NEDD4L: variants seen among roughly 807,000 people sequenced by gnomAD.
The protein encoded by NEDD4L is NEDD4 like E3 ubiquitin protein ligase.
A neutral mutation model predicts 148.9 loss-of-function variants in NEDD4L; 54 were observed. The ratio of observed to expected loss-of-function variants is 0.36; its 90% CI spans 0.29 to 0.45. The LOEUF (loss-of-function observed/expected upper bound fraction) is 0.45, where lower values mean the gene tolerates loss of function less well. NEDD4L is among the 20% of genes least tolerant of loss of function. The pLI, the probability that NEDD4L is intolerant of heterozygous loss-of-function variation, is 1.00. For synonymous variants in NEDD4L, 433 were observed against 440.7 expected, an observed-to-expected ratio of 0.98 and a Z score of 0.22; for missense variants, 856 against 1,233.8, an observed-to-expected ratio of 0.69 and a Z score of 4.59.
At chr18:58,049,691 A>G (rs2081764991) in intron 1 of NEDD4L, among the ~76,000 whole-genome samples, 1 of 152,224 alleles carries the variant, frequency 6.6e-6, no homozygotes, top group Admixed American at 6.5e-5. Context: ...AAATTTGATT[A>G]TAGGGACCGG....
intron 2 of NEDD4L, among the ~76,000 whole-genome samples, chr18:58,185,904 A>C (rs1205445455): frequency 1.3e-5 from 2 of 152,152 alleles, no homozygotes; most frequent in Non-Finnish European, 2.9e-5. Flanking sequence ...AAAATTAAAA[A>C]GTAAAATAAA....
At chr18:58,344,084 T>C (rs1218273233) in intron 16 of NEDD4L, among the ~76,000 whole-genome samples, 1 of 152,236 alleles carries the variant, frequency 6.6e-6, no homozygotes, top group African/African-American at 2.4e-5. Flanking sequence ...GTTTTGGTGA[T>C]TGTTATTGGC....
intron 24 of NEDD4L, among the ~76,000 whole-genome samples, chr18:58,380,684 A>T (rs761370722): frequency 6.6e-6 from 1 of 152,118 alleles, no homozygotes; most frequent in Non-Finnish European, 1.5e-5. Flanking sequence ...TCAACCCATC[A>T]TCTACATTAG....
At chr18:58,288,818 C>A (rs1383988055) in intron 5 of NEDD4L, among the ~76,000 whole-genome samples, 1 of 152,130 alleles carries the variant, frequency 6.6e-6, no homozygotes, top group Non-Finnish European at 1.5e-5. Flanking sequence ...CTAAAAAGTT[C>A]AAATAACTAA....
At chr18:58,213,870 C>T (rs2042860187) in intron 2 of NEDD4L, among the ~76,000 whole-genome samples, 1 of 152,160 alleles carries the variant, frequency 6.6e-6, no homozygotes, top group Non-Finnish European at 1.5e-5. Context: ...TTCTGAGACC[C>T]CGTTTGCCTG....
At chr18:58,328,895 C>A in intron 9 of NEDD4L, 100 bp from the exon 10 acceptor site, 1 of 1,364,790 alleles carries the variant, frequency 7.3e-7, no homozygotes. Context: ...GACGCTGACA[C>A]TTTAGTGGCC....
intron 5 of NEDD4L, among the ~76,000 whole-genome samples, chr18:58,302,095 C>T (rs1354675770): frequency 2.0e-5 from 3 of 152,126 alleles, no homozygotes; most frequent in Admixed American, 6.5e-5. Context: ...CTTTTGTCGT[C>T]TAGCCTGAGG....
chr18:58,061,106 A>G (rs891369146), intron 1 of NEDD4L, among the ~76,000 whole-genome samples: 1 of 148,864 alleles, frequency 6.7e-6, no homozygotes, highest in African/African-American at 2.6e-5. Flanking sequence ...TGCCTCTGAC[A>G]TCTAGAAGGT....
intron 5 of NEDD4L, among the ~76,000 whole-genome samples, chr18:58,271,473 C>G (rs1176986160): frequency 6.6e-6 from 1 of 152,164 alleles, no homozygotes; most frequent in Admixed American, 6.5e-5. Context: ...TACCTTTCCT[C>G]TGAATGTATT....
At chr18:58,228,733 AG>A (rs2044682786) in intron 2 of NEDD4L, among the ~76,000 whole-genome samples, 1 of 152,200 alleles carries the variant, frequency 6.6e-6, no homozygotes, top group Non-Finnish European at 1.5e-5. Context: ...GTGTGGAGGC[AG>A]GGTGTGAGCC....
chr18:58,342,530 T>C (rs1435556335), intron 15 of NEDD4L, among the ~76,000 whole-genome samples: 1 of 152,186 alleles, frequency 6.6e-6, no homozygotes. Flanking sequence ...TTGATGTAGC[T>C]TTTTTCCTTT....
chr18:58,181,476 G>A (rs1171376925), intron 2 of NEDD4L, among the ~76,000 whole-genome samples: 1 of 152,148 alleles, frequency 6.6e-6, no homozygotes, highest in Admixed American at 6.5e-5. Flanking sequence ...GTGTCACCAA[G>A]ACTGGAGTGC....
chr18:58,251,566 T>TACAC (rs759906237), intron 4 of NEDD4L, among the ~76,000 whole-genome samples: 6 of 150,632 alleles, frequency 4.0e-5, no homozygotes, highest in African/African-American at 9.7e-5. Context: ...TGTCTCTCTC[T>TACAC]ACACACACAC....
chr18:58,343,016 G>A lies in NEDD4L; in HGVS notation c.1488G>A (p.Gln496=). 6.2e-7 allele frequency: 1 copy of A among 1,613,734 alleles called. No individual in the cohort carries two copies. Among genetic ancestry groups the A allele is most frequent in the African/African-American group, 1.3e-5 (1 of 75,014 alleles). The change falls in exon 16 of 31, where the codon CAG becomes CAA. Residue 496 remains glutamine (Q), a synonymous_variant. Coordinates refer to ENST00000400345, the MANE Select transcript of NEDD4L (RefSeq NM_001144967.3). ...NSPKPQHKVT[Q]SFLPPGWEMR... ...CCAAACCACAACACAAAGTCACACA[G>A]AGCTTCTTGCCACCCGGCTGGGAAA...
intron 1 of NEDD4L, among the ~76,000 whole-genome samples, chr18:58,061,162 T>C (rs2082314184): frequency 6.6e-6 from 1 of 152,120 alleles, no homozygotes; most frequent in African/African-American, 2.4e-5. Flanking sequence ...ACAGTACAGC[T>C]CCCACAACGA....
intron 5 of NEDD4L, among the ~76,000 whole-genome samples, chr18:58,277,673 T>G (rs1285896117): frequency 6.6e-6 from 1 of 152,174 alleles, no homozygotes; most frequent in Admixed American, 6.5e-5. Flanking sequence ...TGACCTGAAA[T>G]TTATTTTTAT....
At chr18:58,210,063 A>C (rs1288448633) in intron 2 of NEDD4L, among the ~76,000 whole-genome samples, 1 of 151,334 alleles carries the variant, frequency 6.6e-6, no homozygotes, top group Non-Finnish European at 1.5e-5. Flanking sequence ...GCTACTCAGG[A>C]GGTGAGGCAG....
chr18:58,233,163 G>A (rs528837548), intron 2 of NEDD4L, among the ~76,000 whole-genome samples: 1 of 152,260 alleles, frequency 6.6e-6, no homozygotes, highest in Admixed American at 6.5e-5. Flanking sequence ...ATTCACTTAT[G>A]GGCCCTGCCC....
At chr18:58,221,113 G>A (rs1433451889) in intron 2 of NEDD4L, among the ~76,000 whole-genome samples, 1 of 152,172 alleles carries the variant, frequency 6.6e-6, no homozygotes, top group Admixed American at 6.5e-5. Flanking sequence ...AAGACAATAA[G>A]CTTTTGGAGG....
Sources: allele counts gnomAD v4.1 joint callset (sites outside exome capture counted in the v4.1 genomes callset), GRCh38; gene constraint gnomAD v4.1.1; transcripts MANE v1.5; gene names NCBI Gene and HGNC (gene_info 2026-07-23, HGNC 2026-07-21).